Variants in MALRD1 observed in about 807,000 individuals in gnomAD.
MALRD1 encodes the protein MAM and LDL receptor class A domain containing 1.
A neutral mutation model predicts 242.1 loss-of-function variants in MALRD1; 247 were observed. That is an observed-to-expected ratio of 1.02 (90% CI 0.92 to 1.13). The LOEUF is 1.13. MALRD1 is among the 50% of genes most tolerant of loss of function. MALRD1 has a pLI of 0.00. For missense variants in MALRD1, 2,989 were observed against 2,533.1 expected (o/e 1.18, Z -3.86); for synonymous variants, 995 against 866.6 (o/e 1.15, Z -2.60).
At chr10:19,475,421 T>A (rs1243789960) in intron 29 of MALRD1, among the ~76,000 whole-genome samples, 1 of 152,082 alleles carries the variant, frequency 6.6e-6, no homozygotes, top group Non-Finnish European at 1.5e-5. Flanking sequence ...TCTCAAAAAA[T>A]AATAATAATA....
chr10:19,494,090 AT>A (rs768233592), intron 30 of MALRD1, among the ~76,000 whole-genome samples: 5,178 of 152,244 alleles, frequency 0.034, 165 homozygotes, highest in African/African-American at 0.084. Flanking sequence ...GAGGAGCCAC[AT>A]GATTAAGAGC....
Position 19,332,674 on chromosome 10 carries a change from T to G in MALRD1, c.3901+1092T>G, listed in dbSNP as rs1027834547. Reference sequence around the variant, plus strand: ...GAATATCATGAACAACTTCAGTATATAGAGCTTACATATATATAGAACTTT... The same window carrying G: ...GAATATCATGAACAACTTCAGTATAGAGAGCTTACATATATATAGAACTTT... On this transcript the variant is annotated intron_variant, in intron 24 of 39. Transcript: ENST00000454679. 5.9e-5 allele frequency among the ~76,000 whole-genome samples: 9 copies of G among 152,340 alleles called. No individual in the cohort carries two copies. In the East Asian group the frequency reaches 1.7e-3, roughly 29 times the overall value.
At chr10:19,594,412 A>G (rs1229758264) in intron 33 of MALRD1, among the ~76,000 whole-genome samples, 2 of 152,204 alleles carry the variant, frequency 1.3e-5, no homozygotes, top group Non-Finnish European at 2.9e-5. Context: ...TACAATCACT[A>G]TGGAAAATAG....
At chr10:19,143,274 C>A (rs775916114) in intron 10 of MALRD1, among the ~76,000 whole-genome samples, 1 of 152,132 alleles carries the variant, frequency 6.6e-6, no homozygotes, top group African/African-American at 2.4e-5. Flanking sequence ...TATGTCTTTG[C>A]GGTTGAGCGA....
intron 38 of MALRD1, among the ~76,000 whole-genome samples, chr10:19,729,902 A>C (rs1835214993): frequency 6.7e-6 from 1 of 149,864 alleles, no homozygotes; most frequent in African/African-American, 2.5e-5. Context: ...ACGCCCGGCT[A>C]ATTTTTTTGT....
rs929548697 is a variant in MALRD1, at chr10:19,093,946, C to T, written c.597+5761C>T. Among the ~76,000 whole-genome samples, 19 of 101,396 alleles carry T rather than the reference C, an allele frequency of 1.9e-4. 7 individuals carry two copies. The highest frequency in any genetic ancestry group is 7.5e-4 in the Admixed American group (7 of 9,298). The allele number at this position is 101,396 out of a possible 152,430, so 66.5% of individuals were successfully genotyped here. A position where few individuals can be genotyped will look rare whatever the true frequency, so the allele number is the denominator to read the frequency against. On this transcript the variant is annotated intron_variant, in intron 4 of 39. Transcript: ENST00000454679. ...GACCCACTTGAGGAGGCAGTCTGCC[C>T]GTTCTCAGATCTCCAGCTGTGTGCT... is the stretch of plus-strand genomic sequence containing the variant.
intron 33 of MALRD1, among the ~76,000 whole-genome samples, chr10:19,591,017 C>T (rs979456245): frequency 6.6e-6 from 1 of 152,154 alleles, no homozygotes; most frequent in Non-Finnish European, 1.5e-5. Flanking sequence ...CAGTTAGTTT[C>T]ACCGCCCTAA....
At chr10:19,709,067 G>T (rs1833993992) in intron 38 of MALRD1, among the ~76,000 whole-genome samples, 1 of 98,024 alleles carries the variant, frequency 1.0e-5, no homozygotes, top group African/African-American at 3.0e-5. Context: ...TCTTTCCTAA[G>T]CAAAAATATT....
chr10:19,148,788 A>ATATATAT (rs1554797975), intron 11 of MALRD1, among the ~76,000 whole-genome samples: 178 of 88,026 alleles, frequency 2.0e-3, no homozygotes, highest in African/African-American at 5.3e-3. Flanking sequence ...AAAAAAAAAA[A>ATATATAT]ATATATATAT....
chr10:19,102,321 A>T (rs553194979), intron 4 of MALRD1, among the ~76,000 whole-genome samples: 14 of 151,990 alleles, frequency 9.2e-5, no homozygotes, highest in African/African-American at 3.4e-4. Flanking sequence ...CCTTTGCAAA[A>T]TGGTTCTATT....
chr10:19,670,314 C>T (rs1170090520), intron 36 of MALRD1, among the ~76,000 whole-genome samples: 1 of 152,144 alleles, frequency 6.6e-6, no homozygotes, highest in African/African-American at 2.4e-5. Context: ...CAAGTTGTTC[C>T]ATCAGCAAAC....
intron 2 of MALRD1, among the ~76,000 whole-genome samples, chr10:19,084,735 A>G (rs1170722122): frequency 6.6e-6 from 1 of 152,004 alleles, no homozygotes; most frequent in African/African-American, 2.4e-5. Context: ...CATATTTTAT[A>G]TACCTCCTTT....
chr10:19,454,713 T>TGC (rs763836979), intron 29 of MALRD1, among the ~76,000 whole-genome samples: 11 of 132,412 alleles, frequency 8.3e-5, no homozygotes, highest in African/African-American at 2.9e-4. Flanking sequence ...CGTGCACACG[T>TGC]ACACACACAC....
At chr10:19,528,315 C>T (rs1338400604) in intron 31 of MALRD1, among the ~76,000 whole-genome samples, 1 of 152,150 alleles carries the variant, frequency 6.6e-6, no homozygotes, top group African/African-American at 2.4e-5. Flanking sequence ...TAAAATTAGG[C>T]CGGGCACAGT....
In MALRD1 at chr10:19,171,425, TATACATATATATA is replaced by T. The variant is rs546061244; in HGVS notation, c.1831-3782_1831-3770del. 1.3e-4 allele frequency among the ~76,000 whole-genome samples: 12 copies of T among 91,238 alleles called. 1 individual carries two copies. Among genetic ancestry groups the T allele is most frequent in the Middle Eastern group, 4.9e-3 (1 of 204 alleles). 59.9% of individuals were successfully genotyped at this position (91,238 alleles called of 152,430 possible). ...ATTGGTCACAACATTTTATATTTTA[TATACATATATATA>T]TATATATATATATATATATACACAC... On this transcript the variant is annotated intron_variant, in intron 13 of 39. Coordinates refer to ENST00000454679, the MANE Select transcript of MALRD1 (RefSeq NM_001142308.3).
At chr10:19,543,757 CTT>C (rs1249945446) in intron 32 of MALRD1, among the ~76,000 whole-genome samples, 8 of 152,224 alleles carry the variant, frequency 5.3e-5, no homozygotes, top group African/African-American at 1.9e-4. Context: ...TGGCAAACAA[CTT>C]TGTATCAACT....
chr10:19,066,383 C>T (rs529860327), intron 1 of MALRD1, among the ~76,000 whole-genome samples: 14 of 152,068 alleles, frequency 9.2e-5, no homozygotes, highest in Non-Finnish European at 2.1e-4. Flanking sequence ...TGTTATTGTT[C>T]TAATTTTGCA....
At chr10:19,242,617 G>A (rs749399499) in intron 18 of MALRD1, among the ~76,000 whole-genome samples, 1 of 151,964 alleles carries the variant, frequency 6.6e-6, no homozygotes, top group Non-Finnish European at 1.5e-5. Context: ...TACGTATATA[G>A]TTACACCTAA....
chr10:19,337,215 AG>A (rs1171372711), intron 24 of MALRD1, among the ~76,000 whole-genome samples: 1 of 152,174 alleles, frequency 6.6e-6, no homozygotes, highest in Non-Finnish European at 1.5e-5. Context: ...GTTAAGTAAT[AG>A]GTACATACTT....
Sources: gnomAD v4.1 joint callset for allele counts (sites outside exome capture counted in the v4.1 genomes callset) on GRCh38, gnomAD v4.1.1 for gene constraint, MANE v1.5 for transcripts, NCBI Gene and HGNC (gene_info 2026-07-23, HGNC 2026-07-21) for gene names.